The following WWOX variants were observed in gnomAD, a reference collection of about 807,000 sequenced individuals.
WWOX encodes WW domain containing oxidoreductase, also known as WW domain-containing oxidoreductase.
In WWOX, 69 loss-of-function variants were observed where a neutral mutation model predicts 46.2. That is an observed-to-expected ratio of 1.49 (90% CI 1.23 to 1.82). The LOEUF (loss-of-function observed/expected upper bound fraction) is 1.82. WWOX is among the 40% of genes most tolerant of loss of function. The pLI is 0.00. For synonymous variants in WWOX, 359 were observed against 202.6 expected (o/e 1.77, Z -6.56); for missense variants, 919 against 542.6 (o/e 1.69, Z -6.89).
chr16:78,152,124 A>C (rs1280082033), intron 4 of WWOX, among the ~76,000 whole-genome samples: 1 of 151,450 alleles, frequency 6.6e-6, no homozygotes, highest in Admixed American at 6.6e-5. Context: ...CGGGAGGCGG[A>C]GCTTGAAGTG....
chr16:79,026,958 G>A (rs1449455048), intron 8 of WWOX, among the ~76,000 whole-genome samples: 1 of 150,982 alleles, frequency 6.6e-6, no homozygotes, highest in Non-Finnish European at 1.5e-5. Flanking sequence ...ATGAATTTTT[G>A]CTGAATACTG....
intron 8 of WWOX, among the ~76,000 whole-genome samples, chr16:78,464,087 C>T (rs1007298534): frequency 2.0e-5 from 3 of 152,138 alleles, no homozygotes. Flanking sequence ...GACAACCGGT[C>T]AGGACCTGGG....
chr16:78,423,991 C>G lies in WWOX; in HGVS notation c.606-879C>G, dbSNP rs1467779630. ...GTATCCTTAAACAACATGTGCCCTT[C>G]TCTTTACACAGAGCGATTACCCCCT... On this transcript the variant is annotated intron_variant, in intron 6 of 8. Transcript: ENST00000566780. Among the ~76,000 whole-genome samples the G allele has an allele frequency of 5.3e-5, 8 of 152,018 alleles. No individual in the cohort carries two copies. In the East Asian group the frequency reaches 1.5e-3, roughly 29 times the overall value.
chr16:78,953,271 A>G (rs1567433946), intron 8 of WWOX, among the ~76,000 whole-genome samples: 1 of 143,988 alleles, frequency 6.9e-6, no homozygotes, highest in Non-Finnish European at 1.5e-5. Flanking sequence ...GATTTCTAAA[A>G]CAAACCAATA....
intron 8 of WWOX, among the ~76,000 whole-genome samples, chr16:78,777,518 A>G (rs1300554650): frequency 6.6e-6 from 1 of 152,214 alleles, no homozygotes; most frequent in Non-Finnish European, 1.5e-5. Flanking sequence ...CCTGCTGCTA[A>G]GAGGCCCCTG....
intron 8 of WWOX, among the ~76,000 whole-genome samples, chr16:78,454,375 TG>T (rs1397001016): frequency 1.9e-4 from 29 of 151,194 alleles, no homozygotes; most frequent in Non-Finnish European, 3.5e-4. Context: ...TGTGTGTGTG[TG>T]TGTGTATTAT....
chr16:79,114,839 G>T (rs1213380042), intron 8 of WWOX, among the ~76,000 whole-genome samples: 1 of 152,208 alleles, frequency 6.6e-6, no homozygotes, highest in African/African-American at 2.4e-5. Context: ...GGGTGACAGG[G>T]CTGGCCTGCT....
intron 8 of WWOX, among the ~76,000 whole-genome samples, chr16:78,499,103 C>G (rs79952009): frequency 2.9e-4 from 44 of 152,280 alleles, no homozygotes; most frequent in African/African-American, 1.0e-3. Context: ...TTGATTAAAG[C>G]TGAATTTTCC....
At chr16:78,115,421 G>A (rs984025883) in intron 4 of WWOX, among the ~76,000 whole-genome samples, 3 of 152,166 alleles carry the variant, frequency 2.0e-5, no homozygotes, top group Non-Finnish European at 4.4e-5. Context: ...AGAGACAACA[G>A]GCTCCGTCTA....
At chr16:78,128,039 ATAG>A (rs2033432348) in intron 4 of WWOX, among the ~76,000 whole-genome samples, 2 of 152,224 alleles carry the variant, frequency 1.3e-5, no homozygotes, top group Non-Finnish European at 2.9e-5. Flanking sequence ...AAGAAGTCCA[ATAG>A]TGTATGAATA....
chr16:78,198,111 A>G (rs746643110), intron 5 of WWOX, among the ~76,000 whole-genome samples: 4 of 152,250 alleles, frequency 2.6e-5, no homozygotes, highest in Admixed American at 1.3e-4. Context: ...CTCTGCAGGC[A>G]TCTACGCTCC....
intron 6 of WWOX, among the ~76,000 whole-genome samples, chr16:78,394,378 A>AT (rs1310093850): frequency 4.0e-5 from 6 of 151,674 alleles, no homozygotes; most frequent in South Asian, 2.1e-4. Flanking sequence ...TACAAGTTAA[A>AT]TTTTTTTTTC....
At chr16:78,405,431 T>C (rs1197849693) in intron 6 of WWOX, among the ~76,000 whole-genome samples, 1 of 152,208 alleles carries the variant, frequency 6.6e-6, no homozygotes, top group Non-Finnish European at 1.5e-5. Context: ...CATGTGACGG[T>C]CCTTTCAAAT....
chr16:78,269,790 T>A (rs2079438054), intron 5 of WWOX, among the ~76,000 whole-genome samples: 1 of 152,148 alleles, frequency 6.6e-6, no homozygotes, highest in Non-Finnish European at 1.5e-5. Flanking sequence ...GAGGCCGACA[T>A]AACTGAAAAT....
At chr16:78,579,468 T>G (rs753884874) in intron 8 of WWOX, among the ~76,000 whole-genome samples, 1 of 152,046 alleles carries the variant, frequency 6.6e-6, no homozygotes, top group Admixed American at 6.5e-5. Context: ...CGTGAGTTCC[T>G]CTTAAGTGAA....
intron 5 of WWOX, among the ~76,000 whole-genome samples, chr16:78,385,033 C>G (rs1367761364): frequency 6.6e-6 from 1 of 152,028 alleles, no homozygotes; most frequent in Non-Finnish European, 1.5e-5. Flanking sequence ...AGTCGGGAGG[C>G]TGAGGCAGGA....
At chr16:78,717,210 T>G (rs2048584885) in intron 8 of WWOX, among the ~76,000 whole-genome samples, 1 of 152,194 alleles carries the variant, frequency 6.6e-6, no homozygotes, top group African/African-American at 2.4e-5. Flanking sequence ...TAAGTGTGTT[T>G]TTTAAATTTA....
At chr16:79,175,883 C>A (rs191589595) in intron 8 of WWOX, among the ~76,000 whole-genome samples, 1 of 152,206 alleles carries the variant, frequency 6.6e-6, no homozygotes, top group Non-Finnish European at 1.5e-5. Context: ...CTAACAGCCA[C>A]ATCCTTTCAC....
chr16:78,292,764 T>A (rs1218415260), intron 5 of WWOX, among the ~76,000 whole-genome samples: 1 of 152,232 alleles, frequency 6.6e-6, no homozygotes, highest in African/African-American at 2.4e-5. Flanking sequence ...GAGGGCTTCG[T>A]AGAAGAGCCA....
Sources: allele counts gnomAD v4.1 joint callset (sites outside exome capture counted in the v4.1 genomes callset), GRCh38; gene constraint gnomAD v4.1.1; transcripts MANE v1.5; gene names NCBI Gene and HGNC (gene_info 2026-07-23, HGNC 2026-07-21).